Variants in FHIT observed in about 807,000 individuals in gnomAD.
FHIT encodes fragile histidine triad diadenosine triphosphatase.
In FHIT, 19 loss-of-function variants were observed where a neutral mutation model predicts 17.9. The ratio of observed to expected loss-of-function variants is 1.06; its 90% CI spans 0.74 to 1.56. FHIT has a LOEUF of 1.56. Ranked by LOEUF, FHIT falls within the 40% of genes most tolerant of loss-of-function variation. The pLI is 0.00. For missense variants in FHIT, 248 were observed against 189.2 expected (o/e 1.31, Z -1.82); for synonymous variants, 81 against 69.7 (o/e 1.16, Z -0.81).
At chr3:61,184,473 C>T (rs548288624) in intron 2 of FHIT, among the ~76,000 whole-genome samples, 3 of 152,144 alleles carry the variant, frequency 2.0e-5, no homozygotes, top group East Asian at 1.9e-4. Flanking sequence ...GCAAGGAGCA[C>T]GGGATCAAAA....
rs997539567 is a variant in FHIT, at chr3:60,949,840, T to C, written c.-111+92207A>G. 4.6e-5 allele frequency among the ~76,000 whole-genome samples: 7 copies of C among 152,314 alleles called. No homozygotes were observed. The East Asian group carries it at 1.4e-3, about 29-fold the overall frequency. On this transcript the variant is annotated intron_variant, in intron 3 of 9. Coordinates refer to ENST00000492590, the MANE Select transcript of FHIT (RefSeq NM_002012.4). ...GGAAAAAAAGCTATCTACAGGGATG[T>C]TCATCACTGCATCATTTATAATAGT...
intron 5 of FHIT, among the ~76,000 whole-genome samples, chr3:60,533,042 T>C (rs1457533621): frequency 1.3e-5 from 2 of 152,166 alleles, no homozygotes; most frequent in East Asian, 3.9e-4. Context: ...AAAACACAGA[T>C]TGGTCCATTC....
chr3:61,080,196 A>G (rs1033490523), intron 2 of FHIT, among the ~76,000 whole-genome samples: 1 of 152,218 alleles, frequency 6.6e-6, no homozygotes, highest in African/African-American at 2.4e-5. Context: ...CTTTATCAAA[A>G]TACTTAATTA....
intron 7 of FHIT, among the ~76,000 whole-genome samples, chr3:59,998,656 A>C (rs956604819): frequency 3.3e-5 from 5 of 152,126 alleles, no homozygotes; most frequent in Admixed American, 1.3e-4. Context: ...AGAGCCAGCC[A>C]GTCTCAGGTA....
At chr3:60,479,679 T>C (rs1167237799) in intron 5 of FHIT, among the ~76,000 whole-genome samples, 1 of 152,178 alleles carries the variant, frequency 6.6e-6, no homozygotes, top group Non-Finnish European at 1.5e-5. Context: ...GAGTGAGCAT[T>C]ACTGCCTGAG....
At chr3:60,708,180 C>T (rs565558441) in intron 4 of FHIT, among the ~76,000 whole-genome samples, 10 of 152,256 alleles carry the variant, frequency 6.6e-5, no homozygotes, top group South Asian at 2.1e-4. Flanking sequence ...TATCAGCAAA[C>T]GGATTCCTAA....
intron 5 of FHIT, among the ~76,000 whole-genome samples, chr3:60,199,067 G>C (rs1468417482): frequency 6.6e-6 from 1 of 152,154 alleles, no homozygotes; most frequent in Non-Finnish European, 1.5e-5. Flanking sequence ...AAGTGGAAAA[G>C]GCTTGGTGCT....
chr3:61,040,879 G>A (rs2033475028), intron 3 of FHIT, among the ~76,000 whole-genome samples: 1 of 152,240 alleles, frequency 6.6e-6, no homozygotes, highest in African/African-American at 2.4e-5. Flanking sequence ...GAGGGCCCAG[G>A]CCTGACTGGT....
chr3:60,423,526 T>C lies in FHIT; in HGVS notation c.103+113334A>G, dbSNP rs866053241. On this transcript the variant is annotated intron_variant, in intron 5 of 9. Transcript: ENST00000492590. The stretch of plus-strand genomic sequence containing the variant: ...TATGAATGAGATATCTTAGACTTCA[T>C]AGAGATGATGTGTTTAAAGAACAGC... Among the ~76,000 whole-genome samples the C allele has an allele frequency of 7.9e-5, 12 of 152,250 alleles. No homozygotes were observed. The South Asian group carries it at 1.0e-3, about 13-fold the overall frequency.
chr3:59,859,745 A>G (rs1191030451), intron 8 of FHIT, among the ~76,000 whole-genome samples: 1 of 151,988 alleles, frequency 6.6e-6, no homozygotes, highest in Non-Finnish European at 1.5e-5. Context: ...AACAAACAAA[A>G]CCATTCCAGA....
At chr3:60,340,870 T>C (rs1156583238) in intron 5 of FHIT, among the ~76,000 whole-genome samples, 1 of 152,080 alleles carries the variant, frequency 6.6e-6, no homozygotes, top group Non-Finnish European at 1.5e-5. Context: ...TTTTGTATTT[T>C]TAGTAGAGAT....
At chr3:60,587,414 A>G (rs1199150471) in intron 4 of FHIT, among the ~76,000 whole-genome samples, 1 of 151,978 alleles carries the variant, frequency 6.6e-6, no homozygotes, top group East Asian at 1.9e-4. Flanking sequence ...AGGGCTTAAA[A>G]CCTAGATGAT....
chr3:60,300,263 A>G (rs1019950837), intron 5 of FHIT, among the ~76,000 whole-genome samples: 1 of 152,124 alleles, frequency 6.6e-6, no homozygotes, highest in Admixed American at 6.6e-5. Flanking sequence ...ACTTTTTCAA[A>G]AAAACTAAAA....
At chr3:60,879,338 C>T (rs1033561641) in intron 3 of FHIT, among the ~76,000 whole-genome samples, 12 of 152,156 alleles carry the variant, frequency 7.9e-5, no homozygotes, top group African/African-American at 2.9e-4. Flanking sequence ...TGCATAGATA[C>T]TATACCACTG....
chr3:60,519,800 G>A (rs1217621116), intron 5 of FHIT, among the ~76,000 whole-genome samples: 3 of 152,106 alleles, frequency 2.0e-5, no homozygotes, highest in African/African-American at 7.2e-5. Context: ...GACCCTTCAT[G>A]TTAGTCCCAT....
intron 4 of FHIT, among the ~76,000 whole-genome samples, chr3:60,816,792 C>T (rs142294573): frequency 6.8e-4 from 104 of 151,936 alleles, no homozygotes; most frequent in African/African-American, 2.5e-3. Flanking sequence ...TGGAATAGTT[C>T]AGTAGAATTG....
chr3:60,367,861 T>C (rs1228636055), intron 5 of FHIT, among the ~76,000 whole-genome samples: 1 of 152,202 alleles, frequency 6.6e-6, no homozygotes, highest in Non-Finnish European at 1.5e-5. Context: ...CTGATTTCTA[T>C]CACCAAAAAT....
At chr3:60,102,110 G>A (rs1337104745) in intron 5 of FHIT, among the ~76,000 whole-genome samples, 4 of 152,142 alleles carry the variant, frequency 2.6e-5, no homozygotes, top group Admixed American at 2.0e-4. Flanking sequence ...TGGCTAAATC[G>A]TACCTTTATC....
intron 2 of FHIT, among the ~76,000 whole-genome samples, chr3:61,057,304 C>A (rs1022551012): frequency 6.6e-6 from 1 of 152,076 alleles, no homozygotes; most frequent in Non-Finnish European, 1.5e-5. Context: ...TCATGTGGTT[C>A]AATAATCCAA....
Sources: allele counts gnomAD v4.1 joint callset (sites outside exome capture counted in the v4.1 genomes callset), GRCh38; gene constraint gnomAD v4.1.1; transcripts MANE v1.5; gene names NCBI Gene and HGNC (gene_info 2026-07-23, HGNC 2026-07-21).